PTCHD4: variants seen among roughly 807,000 people sequenced by gnomAD.
The protein encoded by PTCHD4 is patched domain-containing protein 4.
PTCHD4 carries 33 observed loss-of-function variants against 58.1 expected under a neutral mutation model. That is an observed-to-expected ratio of 0.57 (90% CI 0.43 to 0.76). The LOEUF is 0.76. Ranked by LOEUF, PTCHD4 falls within the 30% of genes least tolerant of loss-of-function variation. The probability of loss-of-function intolerance (pLI) is 0.00; values close to 1 mark genes in which losing one functional copy is unlikely to be tolerated. For missense variants in PTCHD4, 1,058 were observed against 1,027.1 expected, an observed-to-expected ratio of 1.03 and a Z score of -0.41; for synonymous variants, 478 against 409.6, an observed-to-expected ratio of 1.17 and a Z score of -2.02.
chr6:48,038,248 G>A (rs1763715462), intron 3 of PTCHD4, among the ~76,000 whole-genome samples: 1 of 152,098 alleles, frequency 6.6e-6, no homozygotes, highest in Admixed American at 6.6e-5. Context: ...AAAGTGAGGA[G>A]ACTGAGCTGC....
chr6:47,907,583 A>C (rs12526808), intron 4 of PTCHD4, among the ~76,000 whole-genome samples: 69,200 of 152,064 alleles, frequency 0.46, 17,325 homozygotes, highest in East Asian at 0.75. Context: ...GAAGCCCATG[A>C]CTTGGAAATG....
rs182038529 is a variant in PTCHD4 at position 47,877,229 on chromosome 6, A to T, written c.*1074T>A. Among the ~76,000 whole-genome samples the T allele has an allele frequency of 4.1e-4, 62 of 152,100 alleles. No individual in the cohort carries two copies. The highest frequency in any genetic ancestry group is 3.4e-3 in the Middle Eastern group (1 of 294). On this transcript the variant is annotated 3_prime_UTR_variant, in exon 5 of 5. Transcript: ENST00000339488. ...CCTTTCTCCTATGTTAATTATCTATATTCCATGACAGTTATTTTCCCTATC... is the reference window on the plus strand; with the variant it reads ...CCTTTCTCCTATGTTAATTATCTATTTTCCATGACAGTTATTTTCCCTATC...
intron 4 of PTCHD4, among the ~76,000 whole-genome samples, chr6:47,984,253 A>G (rs1767985380): frequency 6.6e-6 from 1 of 152,236 alleles, no homozygotes; most frequent in Non-Finnish European, 1.5e-5. Context: ...TATAAAGGAA[A>G]GAGGTTTAAT....
At chr6:47,969,505 A>G (rs12196239) in intron 4 of PTCHD4, among the ~76,000 whole-genome samples, 31,907 of 152,204 alleles carry the variant, frequency 0.21, 3,467 homozygotes, top group South Asian at 0.32. Flanking sequence ...TATCATATAT[A>G]TGTTCCTATA....
At chr6:48,017,051 GA>G (rs1489166285) in intron 3 of PTCHD4, among the ~76,000 whole-genome samples, 1 of 152,144 alleles carries the variant, frequency 6.6e-6, no homozygotes, top group East Asian at 1.9e-4. Context: ...TTTTATCACT[GA>G]AAAGAAAGTC....
Position 47,863,381 on chromosome 6 carries a change from T to A in PTCHD4, c.*14922A>T, listed in dbSNP as rs1763478936. On this transcript the variant is annotated 3_prime_UTR_variant, in exon 5 of 5. Coordinates refer to ENST00000339488, the MANE Select transcript of PTCHD4 (RefSeq NM_001384253.1). ...ATTAGCTACATGCTACACTTGCATA[T>A]CCCACATGAAAAATAGTACTTTACT... is the stretch of plus-strand genomic sequence containing the variant. 6.6e-6 allele frequency among the ~76,000 whole-genome samples: 1 copy of A among 151,916 alleles called. No individual in the cohort carries two copies. Among genetic ancestry groups the A allele is most frequent in the Non-Finnish European group, 1.5e-5 (1 of 67,896 alleles).
At chr6:47,899,562 G>T (rs994830043) in intron 4 of PTCHD4, 112 of 982,460 alleles carry the variant, frequency 1.1e-4, no homozygotes, top group Non-Finnish European at 1.3e-4. Flanking sequence ...TCCTAATAAG[G>T]TTTGCAAATG....
intron 4 of PTCHD4, among the ~76,000 whole-genome samples, chr6:47,895,796 C>A (rs1764512000): frequency 6.6e-6 from 1 of 152,004 alleles, no homozygotes; most frequent in African/African-American, 2.4e-5. Flanking sequence ...TATTTTGCCA[C>A]ATACCCATAC....
intron 4 of PTCHD4, among the ~76,000 whole-genome samples, chr6:47,893,593 C>A (rs1764444786): frequency 1.3e-5 from 2 of 152,212 alleles, no homozygotes; most frequent in African/African-American, 4.8e-5. Context: ...TACTCCATGG[C>A]TCGATTTGCT....
chr6:47,876,740 C>G lies in PTCHD4; in HGVS notation c.*1563G>C, dbSNP rs902703602. On this transcript the variant is annotated 3_prime_UTR_variant, in exon 5 of 5. Coordinates refer to ENST00000339488, the MANE Select transcript of PTCHD4 (RefSeq NM_001384253.1). Reference sequence around the variant, plus strand: ...TACCTGGAAATAAATTATGTTACTGCTTGGCATGGGAAAAGGCATTTTCTA... The same window carrying G: ...TACCTGGAAATAAATTATGTTACTGGTTGGCATGGGAAAAGGCATTTTCTA... 2.0e-5 allele frequency among the ~76,000 whole-genome samples: 3 copies of G among 151,968 alleles called. No individual in the cohort carries two copies. The highest frequency in any genetic ancestry group is 4.4e-5 in the Non-Finnish European group (3 of 67,948).
chr6:48,082,443 T>C (rs924428540), intron 1 of PTCHD4, among the ~76,000 whole-genome samples: 2 of 152,186 alleles, frequency 1.3e-5, no homozygotes, highest in Non-Finnish European at 2.9e-5. Flanking sequence ...ACAGTCTCCA[T>C]CACATATTTC....
chr6:48,061,584 G>C (rs975362704), intron 3 of PTCHD4, among the ~76,000 whole-genome samples: 2 of 152,188 alleles, frequency 1.3e-5, no homozygotes, highest in Non-Finnish European at 2.9e-5. Context: ...TTGAAATGCA[G>C]ATTCTGATCA....
At chr6:47,967,588 A>G (rs1398275425) in intron 4 of PTCHD4, among the ~76,000 whole-genome samples, 3 of 152,200 alleles carry the variant, frequency 2.0e-5, no homozygotes, top group African/African-American at 7.2e-5. Flanking sequence ...AGGGTGTTTC[A>G]TCTGCATTGA....
At chr6:48,058,383 T>A (rs1170046992) in intron 3 of PTCHD4, among the ~76,000 whole-genome samples, 1 of 152,236 alleles carries the variant, frequency 6.6e-6, no homozygotes, top group African/African-American at 2.4e-5. Context: ...CGATGATTAA[T>A]TAGATATTAC....
chr6:47,900,084 G>C (rs1318972380), intron 4 of PTCHD4: 1 of 152,128 alleles, frequency 6.6e-6, no homozygotes, highest in East Asian at 1.9e-4. Flanking sequence ...GAATAATATT[G>C]CTATGAACAT....
chr6:48,008,442 T>C (rs1344491249), intron 4 of PTCHD4, among the ~76,000 whole-genome samples, 192 bp downstream of exon 4: 1 of 151,018 alleles, frequency 6.6e-6, no homozygotes, highest in Non-Finnish European at 1.5e-5. Flanking sequence ...AATGAGTAGA[T>C]GGTTTTGCTT....
At chr6:48,059,643 C>T (rs1350228995) in intron 3 of PTCHD4, among the ~76,000 whole-genome samples, 3 of 151,894 alleles carry the variant, frequency 2.0e-5, no homozygotes, top group Non-Finnish European at 4.4e-5. Flanking sequence ...CTCAAACAAA[C>T]AAACAAACAA....
At chr6:47,922,341 C>A (rs1440057993) in intron 4 of PTCHD4, among the ~76,000 whole-genome samples, 1 of 152,126 alleles carries the variant, frequency 6.6e-6, no homozygotes, top group Admixed American at 6.5e-5. Context: ...GACTTCACTC[C>A]TCTCTGACTC....
chr6:48,049,141 C>A (rs1264073545), intron 3 of PTCHD4, among the ~76,000 whole-genome samples: 3 of 151,898 alleles, frequency 2.0e-5, no homozygotes, highest in Non-Finnish European at 2.9e-5. Flanking sequence ...TCAGGGGACA[C>A]TTGGCAATGT....
Sources: allele counts gnomAD v4.1 joint callset (sites outside exome capture counted in the v4.1 genomes callset), GRCh38; gene constraint gnomAD v4.1.1; transcripts MANE v1.5; gene names NCBI Gene and HGNC (gene_info 2026-07-23, HGNC 2026-07-21).